Variants in USP18 observed in about 807,000 individuals in gnomAD.
USP18 encodes the protein ubl carboxyl-terminal hydrolase 18.
A neutral mutation model predicts 48.7 loss-of-function variants in USP18; 11 were observed. The observed-to-expected ratio is 0.23, with a 90% CI of 0.14 to 0.37. USP18 has a LOEUF of 0.37. USP18 is among the 10% of genes least tolerant of loss of function. USP18 has a pLI of 1.00. For synonymous variants in USP18, 114 were observed against 163.2 expected (o/e 0.70, Z 2.30); for missense variants, 285 against 436.4 (o/e 0.65, Z 3.09).
intron 6 of USP18, among the ~76,000 whole-genome samples, chr22:18,169,175 G>C (rs1020564069): frequency 1.3e-5 from 2 of 152,132 alleles, no homozygotes. Context: ...AAGCCTGGTG[G>C]AAGGACATTG....
chr22:18,156,782 G>C (rs773601134), intron 1 of USP18, among the ~76,000 whole-genome samples: 4 of 152,212 alleles, frequency 2.6e-5, no homozygotes, highest in African/African-American at 9.7e-5. Flanking sequence ...CTGCGGACAT[G>C]CCCCCTTTAA....
intron 3 of USP18, 30 bp downstream of exon 3, chr22:18,160,298 T>A (rs1929293099): frequency 6.2e-7 from 1 of 1,612,504 alleles, no homozygotes; most frequent in Non-Finnish European, 8.5e-7. Flanking sequence ...TGATGAGCAT[T>A]TGTATTATTT....
chr22:18,173,833 A>C lies in USP18; in HGVS notation c.1064A>C (p.Asn355Thr). The change falls in exon 10 of 11, where the codon AAC becomes ACC. Residue 355 changes from asparagine (N) to threonine (T), a missense_variant. By Grantham distance (65) the Asn-to-Thr change is moderately conservative. Around this residue, in one of 5 missense-constraint regions of USP18, gnomAD observed 44 missense variants for 64.4 expected, o/e 0.68. Transcript: ENST00000215794. ...EDIQCTYGNP[N>T]YHWQETAYLL... Reference sequence around the variant, plus strand: ...ATCCAGTGTACCTACGGAAATCCTAACTACCACTGGTAAGAAACAGATTTG... The same window carrying C: ...ATCCAGTGTACCTACGGAAATCCTACCTACCACTGGTAAGAAACAGATTTG... 1.9e-6 allele frequency: 3 copies of C among 1,602,436 alleles called. No individual in the cohort carries two copies. Among genetic ancestry groups the C allele is most frequent in the Non-Finnish European group, 2.6e-6 (3 of 1,171,036 alleles).
At position 18,161,955 on chromosome 22, in the gene USP18, G is replaced by A; in HGVS notation, c.400+20G>A. 1.3e-6 allele frequency: 2 copies of A among 1,596,074 alleles called. No homozygotes were observed. Among genetic ancestry groups the A allele is most frequent in the Non-Finnish European group, 1.7e-6 (2 of 1,170,146 alleles). On this transcript the variant is annotated intron_variant, in intron 4 of 10. Coordinates refer to ENST00000215794, the MANE Select transcript of USP18 (RefSeq NM_017414.4). Reference sequence around the variant, plus strand: ...TGCCCTGTAAGATACCCTCCCACTGGGCTCCTGGCTGCTGATCCAAAGGGG... The same window carrying A: ...TGCCCTGTAAGATACCCTCCCACTGAGCTCCTGGCTGCTGATCCAAAGGGG...
intron 2 of USP18, among the ~76,000 whole-genome samples, chr22:18,159,483 A>G (rs1929260885): frequency 6.7e-6 from 1 of 149,058 alleles, no homozygotes; most frequent in Non-Finnish European, 1.5e-5. Context: ...TAAGAAAAAC[A>G]TTAGATTTTT....
intron 8 of USP18, 37 bp from the exon 9 acceptor site, chr22:18,173,113 G>C (rs773299716): frequency 1.2e-6 from 2 of 1,603,144 alleles, no homozygotes; most frequent in East Asian, 2.2e-5. Flanking sequence ...CGTGTTTGTG[G>C]TGGTGGGTGA....
intron 1 of USP18, among the ~76,000 whole-genome samples, chr22:18,151,305 T>A (rs896312349): frequency 3.9e-5 from 6 of 152,210 alleles, no homozygotes; most frequent in Non-Finnish European, 8.8e-5. Flanking sequence ...GTTTGAAAAT[T>A]AAAGCAGAGG....
At chr22:18,153,864 C>T (rs1443347806) in intron 1 of USP18, among the ~76,000 whole-genome samples, 7 of 152,150 alleles carry the variant, frequency 4.6e-5, no homozygotes, top group Admixed American at 3.3e-4. Context: ...ACTCCAGGCT[C>T]ATCCATGTTG....
At chr22:18,152,459 C>CAAAA (rs34118953) in intron 1 of USP18, among the ~76,000 whole-genome samples, 1 of 127,120 alleles carries the variant, frequency 7.9e-6, no homozygotes, top group Non-Finnish European at 1.7e-5. Context: ...GAACGTGAAC[C>CAAAA]AAAAAAAAAA....
rs185945100 is a variant in USP18 at position 18,166,296 on chromosome 22, T to C, written c.401-959T>C. 2.6e-3 allele frequency among the ~76,000 whole-genome samples: 403 copies of C among 152,286 alleles called. 2 individuals are homozygous for C. Among genetic ancestry groups the C allele is most frequent in the African/African-American group, 9.1e-3 (379 of 41,566 alleles). On this transcript the variant is annotated intron_variant, in intron 4 of 10. Transcript: ENST00000215794. ...TGCTTGGTTCTTCTTTTATAGTTTTTTCTTTATTGATACTTTTTATTTGGT... is the reference window on the plus strand; with the variant it reads ...TGCTTGGTTCTTCTTTTATAGTTTTCTCTTTATTGATACTTTTTATTTGGT...
At position 18,167,963 on chromosome 22, in the gene USP18, G is replaced by A. The variant is rs139952645; in HGVS notation, c.554G>A (p.Ser185Asn). 1.5e-4 allele frequency: 248 copies of A among 1,614,114 alleles called. No individual in the cohort carries two copies. The highest frequency in any genetic ancestry group is 3.2e-4 in the Admixed American group (19 of 60,016). Residue 185 changes from serine to asparagine, a missense_variant, in exon 6 of 11, where the codon AGT becomes AAT. Physicochemically the swap from Ser to Asn is conservative, Grantham distance 46 (BLOSUM62 1). Around this residue, in one of 5 missense-constraint regions of USP18, gnomAD observed 199 missense variants for 239.6 expected, o/e 0.83. Transcript: ENST00000215794. Reference protein sequence around the residue: ...SLICVDCAMESSRNSSMLTLP... With the variant: ...SLICVDCAMENSRNSSMLTLP... Reference sequence around the variant, plus strand: ...ATTTGCGTTGACTGTGCCATGGAGAGTAGCAGAAACAGCAGCATGCTCACC... The same window carrying A: ...ATTTGCGTTGACTGTGCCATGGAGAATAGCAGAAACAGCAGCATGCTCACC...
chr22:18,151,499 C>T (rs966220596), intron 1 of USP18, among the ~76,000 whole-genome samples: 1 of 152,072 alleles, frequency 6.6e-6, no homozygotes, highest in African/African-American at 2.4e-5. Flanking sequence ...CACAGGTGCA[C>T]GGCTTCATAT....
intron 6 of USP18, among the ~76,000 whole-genome samples, chr22:18,169,613 C>A (rs1929571947): frequency 6.6e-6 from 1 of 152,178 alleles, no homozygotes; most frequent in Non-Finnish European, 1.5e-5. Context: ...AGGTAAGACA[C>A]CTGCTCCTGC....
intron 1 of USP18, among the ~76,000 whole-genome samples, chr22:18,151,538 T>G (rs1569207216): frequency 6.6e-6 from 1 of 152,184 alleles, no homozygotes; most frequent in Non-Finnish European, 1.5e-5. Context: ...GCTTTTGGAC[T>G]GTTAAAAAAT....
chr22:18,173,744 G>T (rs761314494), intron 9 of USP18, 49 bp from the exon 10 acceptor site: 1 of 1,604,562 alleles, frequency 6.2e-7, no homozygotes, highest in Non-Finnish European at 8.5e-7. Context: ...GTCCTCTGTG[G>T]GTGCTTGTGT....
In USP18 at chr22:18,157,839, T is replaced by C; in HGVS notation, c.157+19T>C. ...CCTCATGGTCATTAGACCCCTCCCG[T>C]TTTCCTCTTCTTGACTGCATGTAAA... is the stretch of plus-strand genomic sequence containing the variant. On this transcript the variant is annotated intron_variant, in intron 2 of 10. Coordinates refer to ENST00000215794, the MANE Select transcript of USP18 (RefSeq NM_017414.4). The C allele has an allele frequency of 6.2e-7, 1 of 1,613,450 alleles. No individual in the cohort carries two copies. The highest frequency in any genetic ancestry group is 8.5e-7 in the Non-Finnish European group (1 of 1,179,674).
intron 3 of USP18, among the ~76,000 whole-genome samples, chr22:18,161,115 C>T (rs375325343): frequency 3.3e-5 from 5 of 152,124 alleles, no homozygotes; most frequent in Admixed American, 1.3e-4. Flanking sequence ...ATTTTAAATG[C>T]GGCCAGGATT....
At position 18,158,725 on chromosome 22, in the gene USP18, A is replaced by G. The variant is rs118187999; in HGVS notation, c.157+905A>G. The stretch of plus-strand genomic sequence containing the variant: ...TTTCAGCCTCTCAGGGTGACACTGG[A>G]TTAGGTGAATCTTCCCCAAAGTAAC... On this transcript the variant is annotated intron_variant, in intron 2 of 10. Coordinates refer to ENST00000215794, the MANE Select transcript of USP18 (RefSeq NM_017414.4). Among the ~76,000 whole-genome samples the G allele has an allele frequency of 8.1e-3, 1,235 of 152,238 alleles. 51 individuals are homozygous for G. The East Asian group carries it at 0.089, about 11-fold the overall frequency.
rs375006903 is a variant in USP18 at position 18,162,815 on chromosome 22, A to G, written c.400+880A>G. ...GGCCACTGTGCTCATGTGGTCTGCC[A>G]TTGACTGAAATGTTGATCTGCAACT... On this transcript the variant is annotated intron_variant, in intron 4 of 10. Transcript: ENST00000215794. Among the ~76,000 whole-genome samples the G allele has an allele frequency of 3.5e-3, 512 of 146,926 alleles. No individual in the cohort carries two copies. The East Asian group carries it at 0.043, about 12-fold the overall frequency.
Sources: allele counts gnomAD v4.1 joint callset (sites outside exome capture counted in the v4.1 genomes callset), GRCh38; gene constraint gnomAD v4.1.1; regional missense constraint gnomAD v4.1.1; transcripts MANE v1.5; gene names NCBI Gene and HGNC (gene_info 2026-07-23, HGNC 2026-07-21).